The following NCAPD3 variants were observed in gnomAD, a reference collection of about 807,000 sequenced individuals.
NCAPD3 encodes the protein non-SMC condensin II complex subunit D3.
A neutral mutation model predicts 182.9 loss-of-function variants in NCAPD3; 105 were observed. That is an observed-to-expected ratio of 0.57 (90% CI 0.49 to 0.68). The LOEUF (loss-of-function observed/expected upper bound fraction) is 0.68, where lower values mean the gene tolerates loss of function less well. NCAPD3 is among the 30% of genes least tolerant of loss of function. NCAPD3 has a pLI of 0.00. For missense variants in NCAPD3, 1,944 were observed against 1,837.0 expected (o/e 1.06, Z -1.07); for synonymous variants, 815 against 679.9 (o/e 1.20, Z -3.09).
Position 134,153,218 on chromosome 11 carries a change from A to C in NCAPD3, c.4328-18T>G. On this transcript the variant is annotated intron_variant, in intron 33 of 34. Coordinates refer to ENST00000534548, the MANE Select transcript of NCAPD3 (RefSeq NM_015261.3). ...AATTTTCTCTAAAAGGGAGTCAAAC[A>C]AACACATTCAGCTTTCCCAGAACCT... 26 of 1,614,062 alleles carry C rather than the reference A, an allele frequency of 1.6e-5. No individual in the cohort carries two copies. Among genetic ancestry groups the C allele is most frequent in the Non-Finnish European group, 2.0e-5 (24 of 1,179,880 alleles).
chr11:134,163,241 C>T (rs1479503166), intron 27 of NCAPD3, among the ~76,000 whole-genome samples: 1 of 152,016 alleles, frequency 6.6e-6, no homozygotes, highest in Non-Finnish European at 1.5e-5. Flanking sequence ...ATAAATTTAC[C>T]CATTTTAAAC....
At chr11:134,156,848 G>A (rs1469007582) in intron 32 of NCAPD3, 170 bp downstream of exon 32, 1 of 577,274 alleles carries the variant, frequency 1.7e-6, no homozygotes, top group Non-Finnish European at 3.1e-6. Flanking sequence ...CAGTGCTCAT[G>A]GATCAAGCGA....
At chr11:134,201,442 T>C (rs1400201607) in intron 13 of NCAPD3, among the ~76,000 whole-genome samples, 2 of 152,236 alleles carry the variant, frequency 1.3e-5, no homozygotes, top group Non-Finnish European at 2.9e-5. Context: ...TGGAATGTTC[T>C]GGAATTAGTC....
intron 24 of NCAPD3, among the ~76,000 whole-genome samples, chr11:134,174,356 C>T (rs1477960577): frequency 1.6e-5 from 2 of 122,754 alleles, no homozygotes; most frequent in Non-Finnish European, 3.1e-5. Flanking sequence ...GTACTTCAGC[C>T]TGAGCAACAG....
chr11:134,160,663 G>C (rs1943551681), intron 28 of NCAPD3, among the ~76,000 whole-genome samples: 1 of 152,102 alleles, frequency 6.6e-6, no homozygotes, highest in Admixed American at 6.6e-5. Context: ...GGGGTGCCAG[G>C]GGCAAGACCA....
intron 6 of NCAPD3, 70 bp from the exon 7 acceptor site, chr11:134,209,021 C>T: frequency 1.4e-6 from 2 of 1,458,214 alleles, no homozygotes; most frequent in African/African-American, 1.4e-5. Context: ...GTCCTACAAG[C>T]CATGTTTAAA....
Position 134,217,020 on chromosome 11 carries a change from C to G in NCAPD3, c.298G>C (p.Val100Leu). Residue 100 changes from valine to leucine, a missense_variant, in exon 3 of 35, where the codon GTT (valine) becomes CTT (leucine). By Grantham distance (32) the Val-to-Leu change is conservative (BLOSUM62 1). Transcript: ENST00000534548. ...TGTACACTGACATTCTTCTTATGAA[C>G]TATTTGAACAAAATGATAGAACAAT... ...VALFYHFVQIVHKKNVSVQYR... is the reference protein window; with the variant it reads ...VALFYHFVQILHKKNVSVQYR... 6.2e-7 allele frequency: 1 copy of G among 1,613,956 alleles called. No individual in the cohort carries two copies. Among genetic ancestry groups the G allele is most frequent in the Non-Finnish European group, 8.5e-7 (1 of 1,179,904 alleles).
intron 21 of NCAPD3, 32 bp from the exon 22 acceptor site, chr11:134,178,773 A>G (rs755501235): frequency 3.7e-6 from 6 of 1,608,188 alleles, no homozygotes; most frequent in Non-Finnish European, 5.1e-6. Flanking sequence ...TTACCGACAG[A>G]ACCTTGAAAC....
intron 19 of NCAPD3, among the ~76,000 whole-genome samples, chr11:134,182,567 T>C (rs1944320375): frequency 6.6e-6 from 1 of 152,212 alleles, no homozygotes; most frequent in Non-Finnish European, 1.5e-5. Context: ...TCTAGTTATA[T>C]TCAATTTCAT....
At chr11:134,157,127 T>C (rs1236115268) in intron 31 of NCAPD3, 32 bp from the exon 32 acceptor site, 2 of 1,553,114 alleles carry the variant, frequency 1.3e-6, no homozygotes, top group East Asian at 2.3e-5. Flanking sequence ...TATCCAGAAA[T>C]ACCCCCAAAC....
In NCAPD3 at chr11:134,160,006, C is replaced by T. The variant is rs1320006183; in HGVS notation, c.3753G>A (p.Glu1251=). The change falls in exon 29 of 35, where the codon GAG becomes GAA. Residue 1251 remains glutamate (E), a synonymous_variant. Transcript: ENST00000534548. ...FFAVDKQLAS[E]LEYDMKKYQE... ...GGTACTTCTTCATGTCATACTCAAG[C>T]TCTGATGCCAGCTGTTTGTCAACTG... 2.5e-6 allele frequency: 4 copies of T among 1,614,076 alleles called. No homozygotes were observed. In the Admixed American group the frequency reaches 6.7e-5, roughly 27 times the overall value.
rs1944226639 is a variant in NCAPD3 at position 134,178,720 on chromosome 11, C to T, written c.2696G>A (p.Ser899Asn). Residue 899 changes from serine to asparagine, a missense_variant, in exon 22 of 35, where the codon AGT (serine) becomes AAT (asparagine). Physicochemically the swap from Ser to Asn is conservative, Grantham distance 46. Transcript: ENST00000534548. Reference protein sequence around the residue: ...ADHSPSSQGSSEAPASQPPPQ... With the variant: ...ADHSPSSQGSNEAPASQPPPQ... ...GGGTGGCTGAGACGCTGGGGCCTCA[C>T]TGCTGCCTTGAGATGATGGTGCTGC... 2 of 1,606,650 alleles carry T rather than the reference C, an allele frequency of 1.2e-6. No individual in the cohort carries two copies. Among genetic ancestry groups the T allele is most frequent in the Non-Finnish European group, 1.7e-6 (2 of 1,175,216 alleles).
intron 16 of NCAPD3, among the ~76,000 whole-genome samples, chr11:134,191,537 C>A (rs1180138535): frequency 6.6e-6 from 1 of 152,148 alleles, no homozygotes; most frequent in East Asian, 1.9e-4. Context: ...ATTTTAAAAC[C>A]TCCCAACAGC....
At chr11:134,183,238 T>A in intron 19 of NCAPD3, 1 of 448,004 alleles carries the variant, frequency 2.2e-6, no homozygotes, top group South Asian at 1.6e-5. Flanking sequence ...CCACTGAGCC[T>A]GGAAGGCTTG....
chr11:134,208,227 C>G (rs1029255744), intron 7 of NCAPD3, among the ~76,000 whole-genome samples: 2 of 152,160 alleles, frequency 1.3e-5, no homozygotes, highest in Non-Finnish European at 2.9e-5. Flanking sequence ...TGACCTTGGT[C>G]CAACACATTT....
Position 134,206,580 on chromosome 11 carries a change from C to T in NCAPD3, c.1016+19G>A, listed in dbSNP as rs1937619847. On this transcript the variant is annotated intron_variant, in intron 8 of 34. Transcript: ENST00000534548. The stretch of plus-strand genomic sequence containing the variant: ...GAGGGAGACTGACAGGGTGAAAATT[C>T]ACGATTTGTGTGCTTCACCTGATAA... The T allele has an allele frequency of 6.2e-7, 1 of 1,612,744 alleles. No individual in the cohort carries two copies. The highest frequency in any genetic ancestry group is 1.7e-5 in the Admixed American group (1 of 59,782).
chr11:134,196,004 G>C (rs1425399821), intron 13 of NCAPD3, among the ~76,000 whole-genome samples: 3 of 152,036 alleles, frequency 2.0e-5, no homozygotes, highest in African/African-American at 7.2e-5. Context: ...TAAGAAGGCA[G>C]CTTAAAAAAT....
chr11:134,205,060 TA>T, intron 8 of NCAPD3, 89 bp from the exon 9 acceptor site: 1 of 955,378 alleles, frequency 1.0e-6, no homozygotes, highest in Non-Finnish European at 1.7e-6. Flanking sequence ...AAATCCTAGT[TA>T]TTAAAACACT....
chr11:134,168,304 G>C (rs1565527899), intron 26 of NCAPD3, 109 bp from the exon 27 acceptor site: 1 of 1,440,644 alleles, frequency 6.9e-7, no homozygotes, highest in East Asian at 2.3e-5. Flanking sequence ...CAGGGGGTCT[G>C]CAAGGGTGTT....
Sources: allele counts gnomAD v4.1 joint callset (sites outside exome capture counted in the v4.1 genomes callset), GRCh38; gene constraint gnomAD v4.1.1; transcripts MANE v1.5; gene names NCBI Gene and HGNC (gene_info 2026-07-23, HGNC 2026-07-21).